HERC5: variants seen among roughly 807,000 people sequenced by gnomAD.
HERC5 encodes the protein E3 ISG15--protein ligase HERC5.
HERC5 carries 99 observed loss-of-function variants against 119.6 expected under a neutral mutation model. The ratio of observed to expected loss-of-function variants is 0.83; its 90% CI spans 0.70 to 0.98. The LOEUF (loss-of-function observed/expected upper bound fraction) is 0.98. HERC5 is among the 50% of genes least tolerant of loss of function. The pLI is 0.00. For missense variants in HERC5, 1,267 were observed against 1,241.3 expected (o/e 1.02, Z -0.31); for synonymous variants, 478 against 445.9 (o/e 1.07, Z -0.91).
chr4:88,478,769 C>A (rs1268706192), intron 12 of HERC5, among the ~76,000 whole-genome samples: 1 of 151,920 alleles, frequency 6.6e-6, no homozygotes, highest in African/African-American at 2.4e-5. Flanking sequence ...TGCCACCACG[C>A]CCTGCTAATT....
chr4:88,470,944 AAATG>A (rs1560602399), intron 10 of HERC5, among the ~76,000 whole-genome samples: 1 of 152,168 alleles, frequency 6.6e-6, no homozygotes, highest in Non-Finnish European at 1.5e-5. Context: ...CTTTTAAAAA[AAATG>A]AGATCATACT....
chr4:88,490,148 A>G (rs1263991302), intron 16 of HERC5, among the ~76,000 whole-genome samples: 1 of 152,230 alleles, frequency 6.6e-6, no homozygotes, highest in Non-Finnish European at 1.5e-5. Context: ...TAATTACCAT[A>G]TAATTTGTCT....
Position 88,487,178 on chromosome 4 carries a change from A to T in HERC5, c.1961A>T (p.Glu654Val), listed in dbSNP as rs1448575521. Reference sequence around the variant, plus strand: ...CATACAGACACACTTTTAAAAATAGAGGTATGTATGCCTATTTGTCTTCAT... The same window carrying T: ...CATACAGACACACTTTTAAAAATAGTGGTATGTATGCCTATTTGTCTTCAT... ...LLHTDTLLKI[E>V]SKKHKAYLRS... The change falls in exon 15 of 23, where the codon GAG (glutamate) becomes GTG (valine). Residue 654 changes from glutamate (E) to valine (V), a missense_variant and splice_region_variant. Glu to Val is a moderately radical substitution (Grantham distance 121). Coordinates refer to ENST00000264350, the MANE Select transcript of HERC5 (RefSeq NM_016323.4). 3 of 1,463,094 alleles carry T rather than the reference A, an allele frequency of 2.1e-6. No individual in the cohort carries two copies. Among genetic ancestry groups the T allele is most frequent in the Non-Finnish European group, 2.9e-6 (3 of 1,044,124 alleles). The allele number at this position is 1,463,094 out of a possible 1,614,324, so 90.6% of individuals were successfully genotyped here.
chr4:88,487,539 TA>T (rs1741508883), intron 15 of HERC5, among the ~76,000 whole-genome samples: 1 of 152,134 alleles, frequency 6.6e-6, no homozygotes, highest in Non-Finnish European at 1.5e-5. Context: ...AGCACCTATG[TA>T]AGGAGGCACA....
Position 88,480,039 on chromosome 4 carries a change from C to G in HERC5, c.1737+532C>G, listed in dbSNP as rs1157038910. On this transcript the variant is annotated intron_variant, in intron 13 of 22. Coordinates refer to ENST00000264350, the MANE Select transcript of HERC5 (RefSeq NM_016323.4). The stretch of plus-strand genomic sequence containing the variant: ...CAGAGATCGCGCCATTGCACTCCAG[C>G]CTGGGCGACAGAGCGAGACTCCGTC... Among the ~76,000 whole-genome samples, 3 of 149,020 alleles carry G rather than the reference C, an allele frequency of 2.0e-5. No homozygotes were observed. The East Asian group carries it at 6.0e-4, about 30-fold the overall frequency.
intron 20 of HERC5, among the ~76,000 whole-genome samples, chr4:88,501,844 G>C (rs1741955793): frequency 6.6e-6 from 1 of 152,034 alleles, no homozygotes; most frequent in Non-Finnish European, 1.5e-5. Context: ...TGTCACCCAG[G>C]CTGGAGTGCA....
chr4:88,502,400 T>TAAA, intron 20 of HERC5, among the ~76,000 whole-genome samples: 1 of 152,270 alleles, frequency 6.6e-6, no homozygotes, highest in South Asian at 2.1e-4. Flanking sequence ...TCCAAGCTGA[T>TAAA]CTGTTTGGCT....
intron 11 of HERC5, chr4:88,472,921 C>CTTTTTTTT (rs775630233): frequency 7.8e-6 from 1 of 128,154 alleles, no homozygotes; most frequent in Non-Finnish European, 1.7e-5. Flanking sequence ...TGCCTGGATT[C>CTTTTTTTT]TTTTTTTTTT....
chr4:88,486,923 A>G (rs1202080037), intron 14 of HERC5, 146 bp from the exon 15 acceptor site: 3 of 536,582 alleles, frequency 5.6e-6, no homozygotes, highest in South Asian at 3.0e-5. Context: ...CACATTTTCT[A>G]CTACTGGTAC....
At position 88,487,465 on chromosome 4, in the gene HERC5, A is replaced by T. The variant is rs373594488; in HGVS notation, c.1962+286A>T. On this transcript the variant is annotated intron_variant, in intron 15 of 22. Transcript: ENST00000264350. Reference sequence around the variant, plus strand: ...GGCAGTGGCAGCCTGTAGTCTTCTGAATAGTACTCAAAGAGGTATAACAAA... The same window carrying T: ...GGCAGTGGCAGCCTGTAGTCTTCTGTATAGTACTCAAAGAGGTATAACAAA... 3.9e-5 allele frequency among the ~76,000 whole-genome samples: 6 copies of T among 152,302 alleles called. No homozygotes were observed. The East Asian group carries it at 7.7e-4, about 20-fold the overall frequency.
chr4:88,457,516 G>T lies in HERC5; in HGVS notation c.247G>T (p.Gly83Cys). The change falls in exon 1 of 23, where the codon GGC becomes TGC. Residue 83 changes from glycine to cysteine, a missense_variant. Physicochemically the swap from Gly to Cys is radical, Grantham distance 159. Around this residue, in one of 3 missense-constraint regions of HERC5, gnomAD observed 777 missense variants for 758.0 expected, o/e 1.03. Coordinates refer to ENST00000264350, the MANE Select transcript of HERC5 (RefSeq NM_016323.4). ...VQVHQLLAGS[G>C]GARTPKCIKL... ...GGTTCACCAGCTGCTCGCCGGGAGC[G>T]GCGGCGCCCGGACGCCGAGTGAGTG... 1 of 1,275,668 alleles carries T rather than the reference G, an allele frequency of 7.8e-7. No individual in the cohort carries two copies. The highest frequency in any genetic ancestry group is 9.9e-7 in the Non-Finnish European group (1 of 1,010,728). The allele number at this position is 1,275,668 out of a possible 1,614,324, so 79.0% of individuals were successfully genotyped here.
chr4:88,505,390 T>C (rs975952892), intron 22 of HERC5, among the ~76,000 whole-genome samples: 1 of 152,232 alleles, frequency 6.6e-6, no homozygotes, highest in African/African-American at 2.4e-5. Flanking sequence ...GGCACTTAAC[T>C]CCATGACACC....
Position 88,494,198 on chromosome 4 carries a change from G to A in HERC5, c.2311G>A (p.Gly771Arg). The change falls in exon 18 of 23, where the codon GGG becomes AGG. Residue 771 changes from glycine to arginine, a missense_variant. Gly to Arg is a moderately radical substitution (Grantham distance 125). Coordinates refer to ENST00000264350, the MANE Select transcript of HERC5 (RefSeq NM_016323.4). The part of the protein sequence containing the change: ...KFEKKRYFFF[G>R]VLCGLSLFNC... ...TGAGAAGAAAAGATACTTCTTTTTT[G>A]GGGTTCTATGTGGACTTTCCCTGTT... 1.9e-6 allele frequency: 3 copies of A among 1,602,516 alleles called. No individual in the cohort carries two copies. The highest frequency in any genetic ancestry group is 2.6e-6 in the Non-Finnish European group (3 of 1,176,124).
chr4:88,476,919 C>CA (rs112140140), intron 12 of HERC5, among the ~76,000 whole-genome samples: 2,593 of 138,672 alleles, frequency 0.019, 96 homozygotes, highest in African/African-American at 0.065. Context: ...GACTCCGTCC[C>CA]AAAAAAAAAA....
chr4:88,476,079 A>C, intron 12 of HERC5, 49 bp downstream of exon 12: 1 of 1,468,182 alleles, frequency 6.8e-7, no homozygotes, highest in Non-Finnish European at 9.3e-7. Context: ...CAGTGGAAAG[A>C]CATGTCTAGT....
intron 1 of HERC5, among the ~76,000 whole-genome samples, chr4:88,459,140 T>C (rs540708958): frequency 1.3e-5 from 2 of 152,340 alleles, no homozygotes; most frequent in African/African-American, 4.8e-5. Context: ...ATCAATATTT[T>C]TTCTAATTAA....
Position 88,487,092 on chromosome 4 carries a change from C to T in HERC5, c.1875C>T (p.Cys625=). The change falls in exon 15 of 23, where the codon TGC becomes TGT. Residue 625 remains cysteine (C), a synonymous_variant. Transcript: ENST00000264350. ...AGGACGCTTCAGAAAATGTACAATG[C>T]TGCGTCATATTCAGTCACTTTCCAT... ...MTVDASENVQ[C]CVIFSHFPFI... The T allele has an allele frequency of 6.2e-7, 1 of 1,610,630 alleles. No individual in the cohort carries two copies. The highest frequency in any genetic ancestry group is 8.5e-7 in the Non-Finnish European group (1 of 1,177,914).
chr4:88,489,975 T>C (rs12331773), intron 16 of HERC5, among the ~76,000 whole-genome samples: 63,917 of 151,884 alleles, frequency 0.42, 15,245 homozygotes, highest in East Asian at 0.81. Flanking sequence ...TGCCACTGCA[T>C]TCCGGCCTGG....
At chr4:88,466,867 T>C (rs916473518) in intron 6 of HERC5, among the ~76,000 whole-genome samples, 192 bp from the exon 7 acceptor site, 4 of 152,234 alleles carry the variant, frequency 2.6e-5, no homozygotes, top group Non-Finnish European at 5.9e-5. Flanking sequence ...ATCATGGTCT[T>C]GAGTGGCCTT....
Sources: gnomAD v4.1 joint callset for allele counts (sites outside exome capture counted in the v4.1 genomes callset) on GRCh38, gnomAD v4.1.1 for gene constraint, gnomAD v4.1.1 regional missense constraint, MANE v1.5 for transcripts, NCBI Gene and HGNC (gene_info 2026-07-23, HGNC 2026-07-21) for gene names.